CFDP1: variants seen among roughly 807,000 people sequenced by gnomAD.
The protein encoded by CFDP1 is chromatin remodeling protein CFDP1, also known as heterochromatin-stabilizing protein CFDP1.
A neutral mutation model predicts 40.1 loss-of-function variants in CFDP1; 31 were observed. That is an observed-to-expected ratio of 0.77 (90% CI 0.58 to 1.04). CFDP1 has a LOEUF of 1.04. CFDP1 is among the 50% of genes least tolerant of loss of function. CFDP1 has a pLI of 0.00. For missense variants in CFDP1, 423 were observed against 343.4 expected, an observed-to-expected ratio of 1.23 and a Z score of -1.83; for synonymous variants, 167 against 120.0, an observed-to-expected ratio of 1.39 and a Z score of -2.56.
chr16:75,400,331 T>G (rs1003756500), intron 4 of CFDP1, among the ~76,000 whole-genome samples: 15 of 152,052 alleles, frequency 9.9e-5, no homozygotes, highest in African/African-American at 3.4e-4. Flanking sequence ...AGTAGACAAG[T>G]AATAACTGGC....
rs1346296341 is a variant in CFDP1, at chr16:75,412,585, G to A, written c.352C>T (p.Leu118Phe). Residue 118 changes from leucine (L) to phenylalanine (F), a missense_variant, in exon 3 of 7, where the codon CTC (leucine) becomes TTC (phenylalanine). By Grantham distance (22) the Leu-to-Phe change is conservative. Coordinates refer to ENST00000283882, the MANE Select transcript of CFDP1 (RefSeq NM_006324.3). ...TTTGATTTTGGTCCCACATCATTGA[G>A]GAAGCTGGCCCAGAGTTCGTCCTCC... ...KKEDELWASF[L>F]NDVGPKSKVP... 2 of 1,614,036 alleles carry A rather than the reference G, an allele frequency of 1.2e-6. No homozygotes were observed. Among genetic ancestry groups the A allele is most frequent in the Non-Finnish European group, 1.7e-6 (2 of 1,180,046 alleles).
intron 5 of CFDP1, among the ~76,000 whole-genome samples, chr16:75,391,899 T>C (rs1808436): frequency 0.52 from 78,766 of 151,252 alleles, 21,452 homozygotes; most frequent in Admixed American, 0.64. Flanking sequence ...ACCCAGGAGG[T>C]GGAGCTTGCA....
intron 5 of CFDP1, among the ~76,000 whole-genome samples, chr16:75,308,325 C>T (rs1567640730): frequency 6.6e-6 from 1 of 152,188 alleles, no homozygotes; most frequent in Non-Finnish European, 1.5e-5. Flanking sequence ...TTCCTCCTTC[C>T]TTGTCTCATT....
chr16:75,416,911 T>C (rs2079213069), intron 1 of CFDP1, among the ~76,000 whole-genome samples: 1 of 152,152 alleles, frequency 6.6e-6, no homozygotes. Flanking sequence ...GTGACAGTGT[T>C]TCATGAAGAG....
chr16:75,327,767 A>G (rs1171620124), intron 5 of CFDP1, among the ~76,000 whole-genome samples: 1 of 152,208 alleles, frequency 6.6e-6, no homozygotes, highest in Non-Finnish European at 1.5e-5. Context: ...CTTGTCGCCC[A>G]GGCTGGAGTG....
intron 6 of CFDP1, among the ~76,000 whole-genome samples, chr16:75,294,964 A>G (rs1000110168): frequency 3.9e-5 from 6 of 152,188 alleles, no homozygotes; most frequent in African/African-American, 1.4e-4. Context: ...CTCACCATAA[A>G]GCGTGCTGCG....
At chr16:75,374,859 A>G (rs890135823) in intron 5 of CFDP1, among the ~76,000 whole-genome samples, 1 of 151,776 alleles carries the variant, frequency 6.6e-6, no homozygotes, top group Non-Finnish European at 1.5e-5. Context: ...TTTAGTGTGT[A>G]TTTATACCTA....
At chr16:75,335,266 T>C (rs2078478387) in intron 5 of CFDP1, among the ~76,000 whole-genome samples, 1 of 152,216 alleles carries the variant, frequency 6.6e-6, no homozygotes, top group East Asian at 1.9e-4. Context: ...ACTTGTTAGA[T>C]GTCTTGTCAG....
intron 5 of CFDP1, among the ~76,000 whole-genome samples, chr16:75,308,629 T>C (rs544376893): frequency 2.6e-5 from 4 of 152,248 alleles, no homozygotes; most frequent in Admixed American, 2.6e-4. Flanking sequence ...GAACTAAGTA[T>C]TCTTTAGAGC....
chr16:75,385,374 C>T (rs2078887788), intron 5 of CFDP1, among the ~76,000 whole-genome samples: 1 of 152,158 alleles, frequency 6.6e-6, no homozygotes, highest in South Asian at 2.1e-4. Context: ...ACTTTCACTG[C>T]CTTCTCTCCG....
At chr16:75,305,895 A>T (rs1021593697) in intron 5 of CFDP1, among the ~76,000 whole-genome samples, 1 of 152,256 alleles carries the variant, frequency 6.6e-6, no homozygotes, top group Non-Finnish European at 1.5e-5. Context: ...GGGAATGTAC[A>T]GCCTGTGCTC....
intron 5 of CFDP1, among the ~76,000 whole-genome samples, chr16:75,333,884 T>C (rs1459458298): frequency 6.6e-6 from 1 of 152,194 alleles, no homozygotes; most frequent in Non-Finnish European, 1.5e-5. Flanking sequence ...TTTTGCTCTC[T>C]CCACAAGCGA....
intron 5 of CFDP1, among the ~76,000 whole-genome samples, chr16:75,376,696 G>C (rs546878575): frequency 6.6e-6 from 1 of 152,284 alleles, no homozygotes; most frequent in Admixed American, 6.5e-5. Flanking sequence ...CAGGATTCCA[G>C]AGGCAGGGCT....
Position 75,307,098 on chromosome 16 carries a change from C to T in CFDP1, c.651-1916G>A, listed in dbSNP as rs75519548. ...CCTGACCTGTTTTTCCCCATCCTCACTCAGTGGCCCTATCCTGGTATCTAG... is the reference window on the plus strand; with the variant it reads ...CCTGACCTGTTTTTCCCCATCCTCATTCAGTGGCCCTATCCTGGTATCTAG... On this transcript the variant is annotated intron_variant, in intron 5 of 6. Coordinates refer to ENST00000283882, the MANE Select transcript of CFDP1 (RefSeq NM_006324.3). 3.0e-3 allele frequency among the ~76,000 whole-genome samples: 459 copies of T among 152,316 alleles called. 17 individuals carry two copies. In the East Asian group the frequency reaches 0.077, roughly 25 times the overall value.
chr16:75,331,190 G>A (rs776855782), intron 5 of CFDP1, among the ~76,000 whole-genome samples: 8 of 152,174 alleles, frequency 5.3e-5, no homozygotes, highest in Non-Finnish European at 1.0e-4. Flanking sequence ...AGCAGCCAAT[G>A]GCTCAGTCAT....
chr16:75,431,321 G>A (rs1367049570), intron 1 of CFDP1, among the ~76,000 whole-genome samples: 4 of 151,810 alleles, frequency 2.6e-5, no homozygotes, highest in African/African-American at 9.7e-5. Flanking sequence ...GGGTGTGCTG[G>A]CGGGGACCTG....
At chr16:75,362,041 A>G (rs568608592) in intron 5 of CFDP1, among the ~76,000 whole-genome samples, 1 of 152,318 alleles carries the variant, frequency 6.6e-6, no homozygotes, top group Admixed American at 6.5e-5. Flanking sequence ...CAAGAATTCA[A>G]TGAAGTTATT....
intron 5 of CFDP1, among the ~76,000 whole-genome samples, chr16:75,358,019 T>C (rs1479025515): frequency 6.6e-6 from 1 of 152,204 alleles, no homozygotes; most frequent in Non-Finnish European, 1.5e-5. Context: ...TTCAATATTG[T>C]TTTGTCTCAG....
chr16:75,389,052 C>A (rs2078925158), intron 5 of CFDP1, among the ~76,000 whole-genome samples: 1 of 152,032 alleles, frequency 6.6e-6, no homozygotes, highest in Admixed American at 6.6e-5. Flanking sequence ...AAACAGTAGG[C>A]CCTTAATTAA....
Sources: allele counts gnomAD v4.1 joint callset (sites outside exome capture counted in the v4.1 genomes callset), GRCh38; gene constraint gnomAD v4.1.1; transcripts MANE v1.5; gene names NCBI Gene and HGNC (gene_info 2026-07-23, HGNC 2026-07-21).